Variants in SCRN1 observed in about 807,000 individuals in gnomAD.
SCRN1 encodes secernin 1.
SCRN1 carries 19 observed loss-of-function variants against 43.3 expected under a neutral mutation model. The observed-to-expected ratio is 0.44, with a 90% CI of 0.31 to 0.64. The LOEUF is 0.64. Among genes scored for constraint, SCRN1 ranks in the 30% least tolerant of loss-of-function variants. The pLI is 0.09. For synonymous variants in SCRN1, 183 were observed against 188.9 expected (o/e 0.97, Z 0.26); for missense variants, 447 against 524.1 (o/e 0.85, Z 1.44).
chr7:29,924,589 C>T (rs1424904333), intron 7 of SCRN1, among the ~76,000 whole-genome samples: 1 of 152,220 alleles, frequency 6.6e-6, no homozygotes, highest in East Asian at 1.9e-4. Context: ...ACACCGTTCC[C>T]CCTGCCATGG....
intron 1 of SCRN1, among the ~76,000 whole-genome samples, chr7:29,985,990 T>C (rs1223642603): frequency 6.6e-6 from 1 of 152,180 alleles, no homozygotes; most frequent in Non-Finnish European, 1.5e-5. Context: ...ATCCCAGCAC[T>C]TTGGGAGGCC....
chr7:29,970,985 C>G (rs893949194), intron 1 of SCRN1, among the ~76,000 whole-genome samples: 2 of 152,176 alleles, frequency 1.3e-5, no homozygotes, highest in Non-Finnish European at 2.9e-5. Context: ...TGCCATCCAA[C>G]CATAGTAGCC....
At chr7:29,926,431 G>A (rs137959718) in intron 7 of SCRN1, 21 bp downstream of exon 7, 1 of 1,606,920 alleles carries the variant, frequency 6.2e-7, no homozygotes, top group African/African-American at 1.3e-5. Flanking sequence ...CTCCGCCTCT[G>A]TGGCCCTCAT....
At chr7:29,982,237 G>T (rs546628201) in intron 1 of SCRN1, among the ~76,000 whole-genome samples, 4 of 152,134 alleles carry the variant, frequency 2.6e-5, no homozygotes, top group African/African-American at 9.7e-5. Flanking sequence ...ATCTAAAATT[G>T]TATGTTAGAA....
In SCRN1 at chr7:29,968,983, C is replaced by T; in HGVS notation, c.85G>A (p.Ala29Thr). 6.2e-7 allele frequency: 1 copy of T among 1,614,140 alleles called. No homozygotes were observed. The highest frequency in any genetic ancestry group is 1.1e-5 in the South Asian group (1 of 91,074). ...DGLVVFGKNS[A>T]RPRDEVQEVV... ...TCTTGCACTTCATCTCTGGGCCGGG[C>T]TGAATTTTTCCCAAATACCACCAGA... The change falls in exon 2 of 8, where the codon GCC becomes ACC. Residue 29 changes from alanine to threonine, a missense_variant. Ala to Thr is a moderately conservative substitution (Grantham distance 58). Transcript: ENST00000242059.
intron 1 of SCRN1, among the ~76,000 whole-genome samples, chr7:29,979,225 T>C (rs1490357521): frequency 6.6e-6 from 1 of 151,950 alleles, no homozygotes; most frequent in Non-Finnish European, 1.5e-5. Flanking sequence ...TAGCCAGGCG[T>C]GGTGGCACGT....
chr7:29,947,061 C>G, intron 3 of SCRN1: 4 of 1,040,718 alleles, frequency 3.8e-6, no homozygotes, highest in Non-Finnish European at 5.4e-6. Flanking sequence ...TTGGCTGCTA[C>G]CCCTCTGCCT....
rs77553177 is a variant in SCRN1 at position 29,954,602 on chromosome 7, T to C, written c.341+577A>G. Among the ~76,000 whole-genome samples, 401 of 152,356 alleles carry C rather than the reference T, an allele frequency of 2.6e-3. 2 individuals are homozygous for C. The highest frequency in any genetic ancestry group is 9.2e-3 in the African/African-American group (383 of 41,574). On this transcript the variant is annotated intron_variant, in intron 3 of 7. Coordinates refer to ENST00000242059, the MANE Select transcript of SCRN1 (RefSeq NM_014766.5). The stretch of plus-strand genomic sequence containing the variant: ...ATTTCATATAAATAGAATCACAATA[T>C]GTGACCTTTTGTGTCTGGCTTCTCT...
In SCRN1 at chr7:29,968,677, T is replaced by G. The variant is rs193209258; in HGVS notation, c.159+232A>C. 2.2e-4 allele frequency among the ~76,000 whole-genome samples: 33 copies of G among 152,344 alleles called. No individual in the cohort carries two copies. The East Asian group carries it at 2.5e-3, about 12-fold the overall frequency. ...TGTTTTTTAGATTTGATTTCAGAAC[T>G]ATGTACATATTTCACTTAATTATAA... On this transcript the variant is annotated intron_variant, in intron 2 of 7. Transcript: ENST00000242059.
chr7:29,932,138 T>C (rs1187886852), intron 6 of SCRN1, among the ~76,000 whole-genome samples: 2 of 152,078 alleles, frequency 1.3e-5, no homozygotes, highest in Non-Finnish European at 2.9e-5. Flanking sequence ...AAAAGTCAGA[T>C]GTGTAGGACA....
chr7:29,938,880 C>T lies in SCRN1; in HGVS notation c.739+1802G>A, dbSNP rs557745306. On this transcript the variant is annotated intron_variant, in intron 5 of 7. Transcript: ENST00000242059. ...CACTTCTGTGTGTGTGTCTTTCATTCCTCTAGCGCCACTGGGTTAGGGTCT... is the reference window on the plus strand; with the variant it reads ...CACTTCTGTGTGTGTGTCTTTCATTTCTCTAGCGCCACTGGGTTAGGGTCT... Among the ~76,000 whole-genome samples, 24 of 152,292 alleles carry T rather than the reference C, an allele frequency of 1.6e-4. No homozygotes were observed. The South Asian group carries it at 4.8e-3, about 30-fold the overall frequency.
At chr7:29,930,688 C>A (rs1583650976) in intron 6 of SCRN1, among the ~76,000 whole-genome samples, 1 of 152,192 alleles carries the variant, frequency 6.6e-6, no homozygotes, top group African/African-American at 2.4e-5. Flanking sequence ...GTCCTCAGGG[C>A]TGACTCTCAG....
intron 1 of SCRN1, among the ~76,000 whole-genome samples, chr7:29,977,438 A>T (rs1788867693): frequency 6.6e-6 from 1 of 152,246 alleles, no homozygotes; most frequent in Non-Finnish European, 1.5e-5. Context: ...TTTCTGTTTT[A>T]AACCTTCTAT....
chr7:29,963,837 T>A (rs147997887), intron 2 of SCRN1, among the ~76,000 whole-genome samples: 2 of 152,226 alleles, frequency 1.3e-5, no homozygotes, highest in Admixed American at 6.5e-5. Context: ...ACAATCTCTA[T>A]AGAAAAATCT....
intron 1 of SCRN1, among the ~76,000 whole-genome samples, chr7:29,988,293 G>A (rs1789227197): frequency 1.3e-5 from 2 of 152,194 alleles, no homozygotes; most frequent in African/African-American, 4.8e-5. Flanking sequence ...GTCAACTTTA[G>A]TTGAGCCTGG....
At position 29,950,469 on chromosome 7, in the gene SCRN1, C is replaced by T. The variant is rs569429424; in HGVS notation, c.341+4710G>A. 1.3e-5 allele frequency among the ~76,000 whole-genome samples: 2 copies of T among 152,292 alleles called. No homozygotes were observed. Among genetic ancestry groups the T allele is most frequent in the South Asian group, 4.1e-4 (2 of 4,826 alleles). Reference sequence around the variant, plus strand: ...GGCAGGAGGCAGACAGTTTCCTGGGCGGAAAGGAGCAGGTCCCCAGTGAAA... The same window carrying T: ...GGCAGGAGGCAGACAGTTTCCTGGGTGGAAAGGAGCAGGTCCCCAGTGAAA... On this transcript the variant is annotated intron_variant, in intron 3 of 7. Coordinates refer to ENST00000242059, the MANE Select transcript of SCRN1 (RefSeq NM_014766.5). The surrounding 1 kb of genome is among the most constrained non-coding windows in gnomAD (Gnocchi z 4.5).
chr7:29,940,179 CAAAT>C (rs527830892), intron 5 of SCRN1, among the ~76,000 whole-genome samples: 90 of 151,326 alleles, frequency 5.9e-4, no homozygotes, highest in East Asian at 4.1e-3. Flanking sequence ...AACAAACAAA[CAAAT>C]AAATAAATAA....
intron 7 of SCRN1, among the ~76,000 whole-genome samples, 196 bp downstream of exon 7, chr7:29,926,256 G>A (rs1786948844): frequency 6.6e-6 from 1 of 152,200 alleles, no homozygotes; most frequent in African/African-American, 2.4e-5. Context: ...GTCTTATTTG[G>A]TTTCAAGAGC....
chr7:29,968,843 G>A, intron 2 of SCRN1, 66 bp downstream of exon 2: 5 of 1,584,440 alleles, frequency 3.2e-6, no homozygotes, highest in Non-Finnish European at 3.5e-6. Flanking sequence ...AAGAAGTTAG[G>A]GTTGTGCTAG....
Sources: gnomAD v4.1 joint callset for allele counts (sites outside exome capture counted in the v4.1 genomes callset) on GRCh38, gnomAD v4.1.1 for gene constraint, Gnocchi (gnomAD v3.1) non-coding constraint, MANE v1.5 for transcripts, NCBI Gene and HGNC (gene_info 2026-07-23, HGNC 2026-07-21) for gene names.